The following VEPH1 variants were observed in gnomAD, a reference collection of about 807,000 sequenced individuals.
The protein encoded by VEPH1 is ventricular zone-expressed PH domain-containing protein homolog 1.
Under a neutral mutation model 85.2 loss-of-function variants are expected in VEPH1, and 80 were observed. That is an observed-to-expected ratio of 0.94 (90% CI 0.78 to 1.13). The LOEUF (loss-of-function observed/expected upper bound fraction) is 1.13. VEPH1 is among the 50% of genes most tolerant of loss of function. The probability of loss-of-function intolerance (pLI) is 0.00; values close to 1 mark genes in which losing one functional copy is unlikely to be tolerated. For synonymous variants in VEPH1, 297 were observed against 348.0 expected (o/e 0.85, Z 1.63); for missense variants, 955 against 980.5 (o/e 0.97, Z 0.35).
chr3:157,343,080 G>T (rs1723773062), intron 9 of VEPH1, among the ~76,000 whole-genome samples: 1 of 152,196 alleles, frequency 6.6e-6, no homozygotes, highest in Non-Finnish European at 1.5e-5. Flanking sequence ...AAGCAGGAAA[G>T]ATCTAAAATT....
At chr3:157,337,595 C>G (rs1314437989) in intron 9 of VEPH1, among the ~76,000 whole-genome samples, 1 of 152,068 alleles carries the variant, frequency 6.6e-6, no homozygotes, top group Non-Finnish European at 1.5e-5. Context: ...TTAAGGATGA[C>G]TTTCTTTAGT....
intron 9 of VEPH1, among the ~76,000 whole-genome samples, chr3:157,344,537 A>C (rs1191938763): frequency 6.6e-6 from 1 of 152,236 alleles, no homozygotes; most frequent in South Asian, 2.1e-4. Flanking sequence ...GAGGATACAA[A>C]CAAATGGAAC....
chr3:157,405,232 G>A (rs988667393), intron 6 of VEPH1, among the ~76,000 whole-genome samples: 2 of 152,214 alleles, frequency 1.3e-5, no homozygotes, highest in East Asian at 3.9e-4. Context: ...TGTGGATTTG[G>A]TCAGTTGGCC....
chr3:157,393,251 G>A (rs1730041465), intron 6 of VEPH1, among the ~76,000 whole-genome samples: 1 of 152,094 alleles, frequency 6.6e-6, no homozygotes, highest in African/African-American at 2.4e-5. Context: ...AACAAACCTG[G>A]GACCCACCCT....
intron 1 of VEPH1, among the ~76,000 whole-genome samples, chr3:157,502,353 G>A (rs1740186451): frequency 1.3e-5 from 2 of 152,172 alleles, no homozygotes. Flanking sequence ...CAAAAAGGAT[G>A]AGAAACACTT....
chr3:157,261,350 G>A lies in VEPH1; in HGVS notation c.2286C>T (p.Cys762=), dbSNP rs1712867475. Residue 762 remains cysteine, a synonymous_variant, in exon 14 of 14, where the codon TGC becomes TGT. Coordinates refer to ENST00000362010, the MANE Select transcript of VEPH1 (RefSeq NM_001167912.2). The part of the protein sequence containing the change: ...KGKSKDDPDD[C]PIELSKVQSV... ...TCTGTACTTTGCTGAGTTCTATTGGGCAGTCGTCAGGGTCATCTTTCTGAA... is the reference window on the plus strand; with the variant it reads ...TCTGTACTTTGCTGAGTTCTATTGGACAGTCGTCAGGGTCATCTTTCTGAA... The A allele has an allele frequency of 6.2e-7, 1 of 1,613,446 alleles. No homozygotes were observed. Among genetic ancestry groups the A allele is most frequent in the Non-Finnish European group, 8.5e-7 (1 of 1,179,664 alleles).
At chr3:157,497,752 G>GT (rs1226058851) in intron 1 of VEPH1, among the ~76,000 whole-genome samples, 1 of 152,168 alleles carries the variant, frequency 6.6e-6, no homozygotes, top group Non-Finnish European at 1.5e-5. Context: ...ATGACACCTG[G>GT]TGTGGAGTCC....
At chr3:157,439,969 C>G (rs889095607) in intron 4 of VEPH1, among the ~76,000 whole-genome samples, 3 of 152,136 alleles carry the variant, frequency 2.0e-5, no homozygotes, top group Non-Finnish European at 4.4e-5. Flanking sequence ...CCAGGATGGT[C>G]TCGATCTCCT....
rs71302265 is a variant in VEPH1, at chr3:157,386,250, C to CAAAAAAA, written c.907-4881_907-4875dup. Among the ~76,000 whole-genome samples the CAAAAAAA allele has an allele frequency of 9.2e-3, 352 of 38,064 alleles. 27 individuals carry two copies. The highest frequency in any genetic ancestry group is 0.026 in the African/African-American group (203 of 7,724). The allele number at this position is 38,064 out of a possible 152,430, so 25.0% of individuals were successfully genotyped here. On this transcript the variant is annotated intron_variant, in intron 6 of 13. Transcript: ENST00000362010. The stretch of plus-strand genomic sequence containing the variant: ...GTTACTTCAAGTAAAAATGGTTCCA[C>CAAAAAAA]AAAAAAAAAAAAAAAAAAAAAAAAG...
At chr3:157,400,807 T>C (rs1730737920) in intron 6 of VEPH1, among the ~76,000 whole-genome samples, 1 of 152,150 alleles carries the variant, frequency 6.6e-6, no homozygotes, top group South Asian at 2.1e-4. Flanking sequence ...AGTATTATTT[T>C]ATGAATTGAT....
chr3:157,376,285 A>G (rs1728096403), intron 7 of VEPH1, among the ~76,000 whole-genome samples: 2 of 152,102 alleles, frequency 1.3e-5, no homozygotes, highest in Admixed American at 1.3e-4. Context: ...TGATTATAGC[A>G]GCCTCCCTGG....
At chr3:157,339,002 A>G (rs1723240906) in intron 9 of VEPH1, among the ~76,000 whole-genome samples, 1 of 152,236 alleles carries the variant, frequency 6.6e-6, no homozygotes, top group African/African-American at 2.4e-5. Flanking sequence ...ATATTGACTC[A>G]GAACCTTGGT....
chr3:157,435,922 G>A (rs1207515396), intron 4 of VEPH1, among the ~76,000 whole-genome samples: 2 of 152,144 alleles, frequency 1.3e-5, no homozygotes, highest in African/African-American at 4.8e-5. Flanking sequence ...AACTAAATAA[G>A]TATATTCCTT....
chr3:157,440,696 T>A (rs1284073845), intron 4 of VEPH1, among the ~76,000 whole-genome samples: 1 of 151,804 alleles, frequency 6.6e-6, no homozygotes, highest in African/African-American at 2.4e-5. Flanking sequence ...ATATATATAT[T>A]TATGTATATA....
intron 2 of VEPH1, among the ~76,000 whole-genome samples, chr3:157,494,248 G>A (rs762208077): frequency 3.9e-5 from 6 of 152,174 alleles, no homozygotes; most frequent in South Asian, 2.1e-4. Flanking sequence ...ACAGAAGAGC[G>A]CTGTTGTTTC....
At chr3:157,481,936 C>T (rs565881686) in intron 2 of VEPH1, among the ~76,000 whole-genome samples, 1 of 152,214 alleles carries the variant, frequency 6.6e-6, no homozygotes, top group East Asian at 1.9e-4. Flanking sequence ...TTGACTTTGT[C>T]AAAACATTGC....
intron 6 of VEPH1, among the ~76,000 whole-genome samples, chr3:157,403,833 G>C (rs1056432875): frequency 6.6e-6 from 1 of 152,104 alleles, no homozygotes; most frequent in African/African-American, 2.4e-5. Context: ...GTATATATGC[G>C]GGCATGTCTA....
intron 4 of VEPH1, among the ~76,000 whole-genome samples, chr3:157,447,259 A>T (rs1014894826): frequency 6.6e-6 from 1 of 152,226 alleles, no homozygotes. Flanking sequence ...GCAAACTCTG[A>T]GTTAGATCAG....
intron 1 of VEPH1, among the ~76,000 whole-genome samples, chr3:157,496,237 T>C (rs1157078976): frequency 2.0e-5 from 3 of 152,190 alleles, no homozygotes; most frequent in South Asian, 2.1e-4. Context: ...GTTGAAGTAA[T>C]AAAGTCCCAC....
Sources: gnomAD v4.1 joint callset for allele counts (sites outside exome capture counted in the v4.1 genomes callset) on GRCh38, gnomAD v4.1.1 for gene constraint, MANE v1.5 for transcripts, NCBI Gene and HGNC (gene_info 2026-07-23, HGNC 2026-07-21) for gene names.